The following RELCH variants were observed in gnomAD, a reference collection of about 807,000 sequenced individuals.
RELCH encodes the protein RAB11 binding and LisH domain, coiled-coil and HEAT repeat containing.
Under a neutral mutation model 150.3 loss-of-function variants are expected in RELCH, and 41 were observed. The observed-to-expected ratio is 0.27, with a 90% confidence interval of 0.21 to 0.35. RELCH has a LOEUF of 0.35. RELCH is among the 10% of genes least tolerant of loss of function. The probability of loss-of-function intolerance (pLI) is 1.00; values close to 1 mark genes in which losing one functional copy is unlikely to be tolerated. For synonymous variants in RELCH, 478 were observed against 531.8 expected (o/e 0.90, Z 1.39); for missense variants, 1,092 against 1,467.8 (o/e 0.74, Z 4.18).
At chr18:62,287,731 T>A (rs976614934) in intron 26 of RELCH, among the ~76,000 whole-genome samples, 2 of 152,202 alleles carry the variant, frequency 1.3e-5, no homozygotes, top group African/African-American at 2.4e-5. Flanking sequence ...TTATTTATAT[T>A]AGTTAGCTAC....
At chr18:62,277,057 T>C (rs561167411) in intron 22 of RELCH, among the ~76,000 whole-genome samples, 2 of 152,258 alleles carry the variant, frequency 1.3e-5, no homozygotes, top group East Asian at 3.9e-4. Context: ...AAGCTATTTC[T>C]TTTTCTTAAA....
At chr18:62,213,762 GT>G (rs1294291908) in intron 2 of RELCH, among the ~76,000 whole-genome samples, 1 of 144,516 alleles carries the variant, frequency 6.9e-6, no homozygotes, top group African/African-American at 2.5e-5. Context: ...ATCATTAATT[GT>G]TTGGTATAAT....
intron 26 of RELCH, among the ~76,000 whole-genome samples, chr18:62,287,866 G>T (rs1218256012): frequency 6.6e-6 from 1 of 152,128 alleles, no homozygotes; most frequent in Non-Finnish European, 1.5e-5. Context: ...TCAGTATCCA[G>T]TGGAATATTA....
At chr18:62,260,098 C>T (rs1259066291) in intron 15 of RELCH, among the ~76,000 whole-genome samples, 1 of 145,802 alleles carries the variant, frequency 6.9e-6, no homozygotes, top group African/African-American at 2.5e-5. Context: ...GCAGAGTGAA[C>T]AAACAGCCTA....
chr18:62,226,767 G>A (rs2041242649), intron 5 of RELCH, among the ~76,000 whole-genome samples: 2 of 151,930 alleles, frequency 1.3e-5, no homozygotes, highest in African/African-American at 4.8e-5. Context: ...TGATCTAGAA[G>A]GTCAGGAAAC....
intron 5 of RELCH, among the ~76,000 whole-genome samples, chr18:62,225,431 CAT>C (rs2041151168): frequency 6.6e-6 from 1 of 151,878 alleles, no homozygotes; most frequent in Admixed American, 6.6e-5. Flanking sequence ...TTGCAAGTAA[CAT>C]ATCTAATAAA....
At chr18:62,221,613 G>A (rs1450747539) in intron 5 of RELCH, 116 bp downstream of exon 5, 2 of 478,120 alleles carry the variant, frequency 4.2e-6, no homozygotes, top group African/African-American at 4.2e-5. Context: ...AATTCTACAA[G>A]GCTAGTTACT....
chr18:62,221,275 G>T lies in RELCH; in HGVS notation c.744+1G>T. 1 of 1,606,490 alleles carries T rather than the reference G, an allele frequency of 6.2e-7. No individual in the cohort carries two copies. Among genetic ancestry groups the T allele is most frequent in the Middle Eastern group, 1.7e-4 (1 of 6,026 alleles). On this transcript the variant is annotated splice_donor_variant, in intron 4 of 28. Coordinates refer to ENST00000644646, the MANE Select transcript of RELCH (RefSeq NM_001346231.2). LOFTEE classifies it high-confidence loss of function. ...TTACAAATCAAGTCCTGAAATTCAGGTGGGTGACAGAAGACAAATGTAAAA... is the reference window on the plus strand; with the variant it reads ...TTACAAATCAAGTCCTGAAATTCAGTTGGGTGACAGAAGACAAATGTAAAA...
chr18:62,227,195 TAA>T (rs35190394), intron 5 of RELCH, 92 bp from the exon 6 acceptor site: 7,592 of 716,980 alleles, frequency 0.011, no homozygotes, highest in Middle Eastern at 0.016. Context: ...AAACCGATCT[TAA>T]AAAAAAAAAA....
chr18:62,204,146 T>A (rs1040129405), intron 1 of RELCH, among the ~76,000 whole-genome samples: 1 of 152,156 alleles, frequency 6.6e-6, no homozygotes, highest in Non-Finnish European at 1.5e-5. Context: ...GGTGTTAGGA[T>A]GATTTATCTA....
chr18:62,189,917 G>T (rs2038496638), intron 1 of RELCH, among the ~76,000 whole-genome samples: 1 of 151,998 alleles, frequency 6.6e-6, no homozygotes, highest in Admixed American at 6.5e-5. Context: ...TCATTTATTT[G>T]TACCTGTTTT....
chr18:62,216,715 A>G (rs1242787300), intron 2 of RELCH, among the ~76,000 whole-genome samples: 1 of 152,048 alleles, frequency 6.6e-6, no homozygotes, highest in African/African-American at 2.4e-5. Flanking sequence ...TAGACATTCT[A>G]AAATGGTCTT....
intron 22 of RELCH, among the ~76,000 whole-genome samples, chr18:62,277,009 A>C (rs1354864054): frequency 6.6e-6 from 1 of 152,144 alleles, no homozygotes; most frequent in Non-Finnish European, 1.5e-5. Flanking sequence ...TATTTCTTTA[A>C]TATACTCTCT....
intron 24 of RELCH, among the ~76,000 whole-genome samples, chr18:62,281,505 T>G (rs2044514212): frequency 6.6e-6 from 1 of 152,220 alleles, no homozygotes; most frequent in South Asian, 2.1e-4. Context: ...AAAGGTGTAT[T>G]TTAATTCTGA....
intron 18 of RELCH, among the ~76,000 whole-genome samples, chr18:62,266,089 T>A (rs2043546546): frequency 6.6e-6 from 1 of 151,874 alleles, no homozygotes; most frequent in African/African-American, 2.4e-5. Flanking sequence ...TACTTAACAG[T>A]AAGTGGTTGT....
At chr18:62,280,596 C>T (rs1198189833) in intron 23 of RELCH, 50 bp from the exon 24 acceptor site, 6 of 1,408,214 alleles carry the variant, frequency 4.3e-6, no homozygotes, top group Non-Finnish European at 6.0e-6. Context: ...TTTAATAATA[C>T]TCGTTGTTCA....
rs1188952214 is a variant in RELCH, at chr18:62,306,628, A to G, written c.*1094A>G. 1.3e-5 allele frequency: 2 copies of G among 152,610 alleles called. No individual in the cohort carries two copies. The highest frequency in any genetic ancestry group is 4.8e-5 in the African/African-American group (2 of 41,432). 9.5% of individuals were successfully genotyped at this position (152,610 alleles called of 1,614,324 possible). On this transcript the variant is annotated 3_prime_UTR_variant, in exon 29 of 29. Transcript: ENST00000644646. ...ACCTCCTGTGTTTGATGTATATTACATAGAGTCTTAAGTCAGTGTACAGTT... is the reference window on the plus strand; with the variant it reads ...ACCTCCTGTGTTTGATGTATATTACGTAGAGTCTTAAGTCAGTGTACAGTT...
At chr18:62,244,720 C>A in intron 10 of RELCH, 44 bp from the exon 11 acceptor site, 1 of 1,206,870 alleles carries the variant, frequency 8.3e-7, no homozygotes, top group Non-Finnish European at 1.2e-6. Context: ...GAATATTCTG[C>A]AATGTGTTTT....
chr18:62,305,921 TATAAA>T lies in RELCH; in HGVS notation c.*392_*396del, dbSNP rs2045864509. 1 of 152,678 alleles carries T rather than the reference TATAAA, an allele frequency of 6.5e-6. No homozygotes were observed. The highest frequency in any genetic ancestry group is 2.4e-5 in the African/African-American group (1 of 41,444). 9.5% of individuals were successfully genotyped at this position (152,678 alleles called of 1,614,324 possible). On this transcript the variant is annotated 3_prime_UTR_variant, in exon 29 of 29. Coordinates refer to ENST00000644646, the MANE Select transcript of RELCH (RefSeq NM_001346231.2). The surrounding 1 kb of genome is among the most constrained non-coding windows in gnomAD (Gnocchi z 4.0). Reference sequence around the variant, plus strand: ...AATAATGTAAATTTGAAGTCATTGTTATAAAATAATAAAGTGGAGATTACTTAAGT... The same window carrying T: ...AATAATGTAAATTTGAAGTCATTGTTATAATAAAGTGGAGATTACTTAAGT...
Sources: allele counts gnomAD v4.1 joint callset (sites outside exome capture counted in the v4.1 genomes callset), GRCh38; gene constraint gnomAD v4.1.1; non-coding constraint Gnocchi (gnomAD v3.1); transcripts MANE v1.5; gene names NCBI Gene and HGNC (gene_info 2026-07-23, HGNC 2026-07-21).